Variants in RPN1 observed in about 807,000 individuals in gnomAD.
RPN1 encodes ribophorin I, also known as dolichyl-diphosphooligosaccharide--protein glycosyltransferase subunit 1.
In RPN1, 12 loss-of-function variants were observed where a neutral mutation model predicts 55.5. The observed-to-expected ratio is 0.22, with a 90% CI of 0.14 to 0.35. The LOEUF is 0.35. RPN1 is among the 10% of genes least tolerant of loss of function. The probability of loss-of-function intolerance (pLI) is 1.00; values close to 1 mark genes in which losing one functional copy is unlikely to be tolerated. For synonymous variants in RPN1, 317 were observed against 305.9 expected, an observed-to-expected ratio of 1.04 and a Z score of -0.38; for missense variants, 679 against 761.3, an observed-to-expected ratio of 0.89 and a Z score of 1.27.
At chr3:128,628,537 C>G (rs958419874) in intron 5 of RPN1, among the ~76,000 whole-genome samples, 5 of 151,708 alleles carry the variant, frequency 3.3e-5, no homozygotes, top group Non-Finnish European at 1.5e-5. Flanking sequence ...GCCTCAGCCT[C>G]CCGAGTAGCT....
intron 3 of RPN1, among the ~76,000 whole-genome samples, chr3:128,636,237 G>T (rs2069681403): frequency 6.6e-6 from 1 of 152,106 alleles, no homozygotes. Flanking sequence ...GAGGCAGGCG[G>T]ATCACCTGAG....
At position 128,625,942 on chromosome 3, in the gene RPN1, T is replaced by A. The variant is rs1394881492; in HGVS notation, c.1207A>T (p.Thr403Ser). 2 of 1,613,814 alleles carry A rather than the reference T, an allele frequency of 1.2e-6. No homozygotes were observed. The highest frequency in any genetic ancestry group is 2.7e-5 in the African/African-American group (2 of 74,922). Residue 403 changes from threonine (T) to serine (S), a missense_variant, in exon 7 of 10, where the codon ACA becomes TCA. Coordinates refer to ENST00000296255, the MANE Select transcript of RPN1 (RefSeq NM_002950.4). ...PDELHYTYLD[T>S]FGRPVIVAYK... ...GCAACAATCACAGGGCGGCCAAATGTGTCCAGATAGGTGTAGTGCAGCTCA... is the reference window on the plus strand; with the variant it reads ...GCAACAATCACAGGGCGGCCAAATGAGTCCAGATAGGTGTAGTGCAGCTCA...
intron 5 of RPN1, 43 bp from the exon 6 acceptor site, chr3:128,626,875 T>A (rs1293636746): frequency 2.6e-6 from 4 of 1,562,292 alleles, no homozygotes; most frequent in Non-Finnish European, 3.5e-6. Flanking sequence ...GGAAAACGGA[T>A]CAAATGGGCA....
At chr3:128,639,788 A>G (rs573035980) in intron 2 of RPN1, among the ~76,000 whole-genome samples, 1 of 151,946 alleles carries the variant, frequency 6.6e-6, no homozygotes, top group Non-Finnish European at 1.5e-5. Context: ...GGATTTCGCC[A>G]CGTTGGCCAG....
chr3:128,645,567 C>G (rs1351173398), intron 1 of RPN1, among the ~76,000 whole-genome samples: 2 of 152,042 alleles, frequency 1.3e-5, no homozygotes, highest in Admixed American at 6.6e-5. Context: ...ACCTGTAATC[C>G]CAACACTTTG....
intron 1 of RPN1, among the ~76,000 whole-genome samples, chr3:128,646,088 CA>C (rs1187841582): frequency 1.3e-5 from 2 of 149,542 alleles, no homozygotes; most frequent in African/African-American, 2.5e-5. Context: ...ACTAAAAAAA[CA>C]AAAAATTAGC....
At chr3:128,638,556 T>G (rs917510702) in intron 2 of RPN1, among the ~76,000 whole-genome samples, 2 of 152,104 alleles carry the variant, frequency 1.3e-5, no homozygotes, top group African/African-American at 2.4e-5. Flanking sequence ...CTCAGCTCAC[T>G]GCAACTTCCA....
At chr3:128,635,662 T>TATAG (rs1173240397) in intron 3 of RPN1, among the ~76,000 whole-genome samples, 3 of 110,186 alleles carry the variant, frequency 2.7e-5, no homozygotes, top group African/African-American at 9.7e-5. Flanking sequence ...TATATATATA[T>TATAG]ATAGATATCT....
chr3:128,645,970 C>G (rs975135811), intron 1 of RPN1, among the ~76,000 whole-genome samples: 1 of 151,442 alleles, frequency 6.6e-6, no homozygotes, highest in African/African-American at 2.4e-5. Flanking sequence ...CAGGGCTGGG[C>G]GCAGTGGCTC....
chr3:128,622,130 C>G, intron 9 of RPN1, 34 bp downstream of exon 9: 1 of 1,610,134 alleles, frequency 6.2e-7, no homozygotes, highest in African/African-American at 1.3e-5. Context: ...TGGAGGGCCC[C>G]AAGCCAAGCA....
At chr3:128,634,623 C>T (rs551659960) in intron 3 of RPN1, among the ~76,000 whole-genome samples, 9 of 148,154 alleles carry the variant, frequency 6.1e-5, no homozygotes, top group Admixed American at 2.7e-4. Context: ...AGTGCAATGA[C>T]GCGATCTTGG....
intron 9 of RPN1, among the ~76,000 whole-genome samples, chr3:128,621,771 G>A (rs1560019490): frequency 6.6e-6 from 1 of 152,176 alleles, no homozygotes; most frequent in Admixed American, 6.6e-5. Flanking sequence ...ACAGAAGTTA[G>A]GTGACTTGGC....
At chr3:128,646,741 TGA>T (rs1344348669) in intron 1 of RPN1, among the ~76,000 whole-genome samples, 2 of 149,818 alleles carry the variant, frequency 1.3e-5, no homozygotes, top group Non-Finnish European at 3.0e-5. Flanking sequence ...CCCAGCATTT[TGA>T]GAGGCCAATC....
intron 1 of RPN1, among the ~76,000 whole-genome samples, chr3:128,648,992 G>A (rs1485986118): frequency 6.6e-6 from 1 of 152,168 alleles, no homozygotes; most frequent in Non-Finnish European, 1.5e-5. Flanking sequence ...TGGTTGCTAT[G>A]AGGGCTAAAT....
At chr3:128,649,797 G>T (rs2069800580) in intron 1 of RPN1, among the ~76,000 whole-genome samples, 1 of 152,204 alleles carries the variant, frequency 6.6e-6, no homozygotes, top group African/African-American at 2.4e-5. Flanking sequence ...GGGGAAGGGA[G>T]AAAATTGGAC....
At chr3:128,644,632 C>G in intron 2 of RPN1, 1 of 554,088 alleles carries the variant, frequency 1.8e-6, no homozygotes, top group South Asian at 1.5e-5. Flanking sequence ...AGTAATGGAG[C>G]CTGGGCAACA....
At chr3:128,620,982 T>G (rs1320333606) in intron 9 of RPN1, among the ~76,000 whole-genome samples, 1 of 152,130 alleles carries the variant, frequency 6.6e-6, no homozygotes, top group Admixed American at 6.5e-5. Context: ...GGGATTCAAT[T>G]AGGCAAAAGA....
Position 128,629,940 on chromosome 3 carries a change from T to A in RPN1, c.1036+11A>T. On this transcript the variant is annotated intron_variant, in intron 5 of 9. Transcript: ENST00000296255. ...AAAAGGTTAGTTTCTCCCTTACTATTGAAGACTGACCCAAATTATAGAGGT... is the reference window on the plus strand; with the variant it reads ...AAAAGGTTAGTTTCTCCCTTACTATAGAAGACTGACCCAAATTATAGAGGT... 1 of 1,533,138 alleles carries A rather than the reference T, an allele frequency of 6.5e-7. No homozygotes were observed. Among genetic ancestry groups the A allele is most frequent in the East Asian group, 2.3e-5 (1 of 44,350 alleles). 95.0% of individuals were successfully genotyped at this position (1,533,138 alleles called of 1,614,324 possible).
At chr3:128,645,838 A>G (rs2069762862) in intron 1 of RPN1, among the ~76,000 whole-genome samples, 1 of 152,092 alleles carries the variant, frequency 6.6e-6, no homozygotes, top group African/African-American at 2.4e-5. Flanking sequence ...AAATACACAC[A>G]TACACAAAAA....
Sources: gnomAD v4.1 joint callset for allele counts (sites outside exome capture counted in the v4.1 genomes callset) on GRCh38, gnomAD v4.1.1 for gene constraint, MANE v1.5 for transcripts, NCBI Gene and HGNC (gene_info 2026-07-23, HGNC 2026-07-21) for gene names.